Variants in CLGN observed in about 807,000 individuals in gnomAD.
The protein encoded by CLGN is calmegin, also known as testis tissue sperm-binding protein Li 79P.
CLGN carries 62 observed loss-of-function variants against 79.1 expected under a neutral mutation model. The observed-to-expected ratio is 0.78, with a 90% CI of 0.64 to 0.97. CLGN has a LOEUF of 0.97. CLGN is among the 50% of genes least tolerant of loss of function. CLGN has a pLI of 0.00. For missense variants in CLGN, 647 were observed against 715.5 expected (o/e 0.90, Z 1.09); for synonymous variants, 225 against 224.7 (o/e 1.00, Z -0.01).
intron 1 of CLGN, among the ~76,000 whole-genome samples, chr4:140,426,170 C>T (rs1194105705): frequency 2.0e-5 from 3 of 152,124 alleles, no homozygotes; most frequent in Non-Finnish European, 2.9e-5. Flanking sequence ...ACAATCGCAC[C>T]AAGTTTCTAG....
chr4:140,414,077 C>G (rs1157447760), intron 1 of CLGN, among the ~76,000 whole-genome samples: 2 of 152,242 alleles, frequency 1.3e-5, no homozygotes, highest in Non-Finnish European at 2.9e-5. Context: ...GAGGCACCCC[C>G]CAGCAGGGGC....
chr4:140,414,758 C>A, intron 1 of CLGN, among the ~76,000 whole-genome samples: 1 of 148,710 alleles, frequency 6.7e-6, no homozygotes, highest in East Asian at 1.9e-4. Flanking sequence ...AGAATGGAAC[C>A]AAGTTGGAAA....
At chr4:140,396,299 C>T in intron 8 of CLGN, 94 bp from the exon 9 acceptor site, 3 of 1,089,464 alleles carry the variant, frequency 2.8e-6, no homozygotes, top group Non-Finnish European at 1.4e-6. Flanking sequence ...ATTTCCCTCC[C>T]TTTTGTTTGT....
chr4:140,393,776 A>G (rs1235023305), intron 11 of CLGN, 50 bp downstream of exon 11: 2 of 1,513,466 alleles, frequency 1.3e-6, no homozygotes, highest in Admixed American at 3.4e-5. Flanking sequence ...ACCAAGACCA[A>G]GTATTATTAT....
intron 5 of CLGN, among the ~76,000 whole-genome samples, chr4:140,402,491 A>G (rs932433859): frequency 6.6e-6 from 1 of 152,138 alleles, no homozygotes; most frequent in Non-Finnish European, 1.5e-5. Flanking sequence ...GAAATTGCTA[A>G]TGATCTTAGA....
At chr4:140,392,961 A>G (rs145903843) in intron 11 of CLGN, among the ~76,000 whole-genome samples, 55 of 152,226 alleles carry the variant, frequency 3.6e-4, no homozygotes, top group African/African-American at 1.3e-3. Context: ...ACATACTGGC[A>G]AGAAAAATGG....
At chr4:140,405,592 A>G (rs1729091904) in intron 5 of CLGN, among the ~76,000 whole-genome samples, 1 of 152,222 alleles carries the variant, frequency 6.6e-6, no homozygotes, top group South Asian at 2.1e-4. Flanking sequence ...ATAATTTTTA[A>G]ATTTTTTTAA....
intron 2 of CLGN, among the ~76,000 whole-genome samples, chr4:140,412,321 C>T (rs3805315): frequency 0.69 from 105,441 of 152,006 alleles, 36,876 homozygotes; most frequent in Non-Finnish European, 0.75. Context: ...CCAAAAATAT[C>T]TCTGATTATC....
At chr4:140,398,778 T>C in intron 8 of CLGN, 73 bp downstream of exon 8, 13 of 1,310,574 alleles carry the variant, frequency 9.9e-6, no homozygotes, top group Non-Finnish European at 1.4e-5. Context: ...TCATGGGTTG[T>C]AAACTTCACT....
rs1223848318 is a variant in CLGN, at chr4:140,400,445, A to G, written c.606T>C (p.Thr202=). ...TGGCATGTTTCTCTTCGAAAACTCC[A>G]GTTTTGGGATGTTTATGTCTGAAGA... ...HFIFRHKHPK[T]GVFEEKHAKP... The change falls in exon 7 of 15, where the codon ACT becomes ACC. Residue 202 remains threonine (T), a synonymous_variant. Coordinates refer to ENST00000325617, the MANE Select transcript of CLGN (RefSeq NM_004362.3). 1 of 1,612,284 alleles carries G rather than the reference A, an allele frequency of 6.2e-7. No homozygotes were observed. Among genetic ancestry groups the G allele is most frequent in the East Asian group, 2.2e-5 (1 of 44,802 alleles).
chr4:140,395,483 A>G lies in CLGN; in HGVS notation c.1149+336T>C, dbSNP rs112468786. Among the ~76,000 whole-genome samples the G allele has an allele frequency of 5.3e-3, 806 of 152,316 alleles. 10 individuals carry two copies. The highest frequency in any genetic ancestry group is 0.017 in the African/African-American group (721 of 41,574). On this transcript the variant is annotated intron_variant, in intron 10 of 14. Coordinates refer to ENST00000325617, the MANE Select transcript of CLGN (RefSeq NM_004362.3). ...TTTAATAATACTAAATAATAAGTAC[A>G]TTAATTAAGCACAGGCATTAATTAC...
intron 2 of CLGN, 139 bp from the exon 3 acceptor site, chr4:140,410,765 A>G: frequency 1.7e-6 from 1 of 593,778 alleles, no homozygotes. Context: ...AATAGGATAC[A>G]AAACTTTGTA....
At chr4:140,392,526 G>T in intron 12 of CLGN, 60 bp downstream of exon 12, 6 of 1,527,712 alleles carry the variant, frequency 3.9e-6, no homozygotes, top group South Asian at 1.3e-5. Flanking sequence ...TTAATTTATA[G>T]AACTCTTAAA....
At chr4:140,396,891 G>GTATA (rs746057984) in intron 8 of CLGN, among the ~76,000 whole-genome samples, 4,466 of 53,580 alleles carry the variant, frequency 0.083, 146 homozygotes, top group Non-Finnish European at 0.12. Context: ...ATATATATAT[G>GTATA]TATATATATA....
chr4:140,413,004 A>T lies in CLGN; in HGVS notation c.75T>A (p.Asp25Glu). 2 of 1,613,508 alleles carry T rather than the reference A, an allele frequency of 1.2e-6. No homozygotes were observed. The highest frequency in any genetic ancestry group is 8.5e-7 in the Non-Finnish European group (1 of 1,179,566). Reference protein sequence around the residue: ...ISINAEFMDDDVETEDFEENS... With the variant: ...ISINAEFMDDEVETEDFEENS... ...TTTCTTCAAAGTCTTCCGTCTCAACATCATCATCCATAAATTCTGCATTAA... is the reference window on the plus strand; with the variant it reads ...TTTCTTCAAAGTCTTCCGTCTCAACTTCATCATCCATAAATTCTGCATTAA... The change falls in exon 2 of 15, where the codon GAT (aspartate) becomes GAA (glutamate). Residue 25 changes from aspartate to glutamate, a missense_variant. Transcript: ENST00000325617.
rs1322295424 is a variant in CLGN, at chr4:140,396,135, G to T, written c.955C>A (p.Pro319Thr). ...GCATTAGGATCAGGGATAAATTTTG[G>T]TTCATCATCAAGCCAGCCAGCAGGT... ...VKPAGWLDDE[P>T]KFIPDPNAEK... Residue 319 changes from proline (P) to threonine (T), a missense_variant, in exon 9 of 15, where the codon CCA (proline) becomes ACA (threonine). Pro to Thr is a conservative substitution (Grantham distance 38). Transcript: ENST00000325617. 3 of 1,614,122 alleles carry T rather than the reference G, an allele frequency of 1.9e-6. No individual in the cohort carries two copies. The highest frequency in any genetic ancestry group is 2.5e-6 in the Non-Finnish European group (3 of 1,180,024).
intron 7 of CLGN, 88 bp downstream of exon 7, chr4:140,400,269 A>C (rs916345433): frequency 1.1e-6 from 1 of 878,444 alleles, no homozygotes. Context: ...GATGGGGTAC[A>C]CATTTGTTTT....
chr4:140,406,902 G>A (rs1729119337), intron 4 of CLGN, among the ~76,000 whole-genome samples: 1 of 152,128 alleles, frequency 6.6e-6, no homozygotes, highest in African/African-American at 2.4e-5. Flanking sequence ...GATAGGTATT[G>A]CCTATTCCAA....
intron 1 of CLGN, among the ~76,000 whole-genome samples, chr4:140,416,772 C>G (rs1729341443): frequency 6.6e-6 from 1 of 152,116 alleles, no homozygotes; most frequent in Admixed American, 6.5e-5. Context: ...ACGAGAGGTA[C>G]AAGGAGGAAC....
Sources: gnomAD v4.1 joint callset for allele counts (sites outside exome capture counted in the v4.1 genomes callset) on GRCh38, gnomAD v4.1.1 for gene constraint, MANE v1.5 for transcripts, NCBI Gene and HGNC (gene_info 2026-07-23, HGNC 2026-07-21) for gene names.